STAG1: variants seen among roughly 807,000 people sequenced by gnomAD.
STAG1 encodes STAG1 cohesin complex component, also known as cohesin subunit SA-1.
A neutral mutation model predicts 170.9 loss-of-function variants in STAG1; 26 were observed. The observed-to-expected ratio is 0.15, with a 90% CI of 0.11 to 0.21. STAG1 has a LOEUF of 0.21. STAG1 is among the 10% of genes least tolerant of loss of function. STAG1 has a pLI of 1.00. For synonymous variants in STAG1, 514 were observed against 497.7 expected, an observed-to-expected ratio of 1.03 and a Z score of -0.44; for missense variants, 964 against 1,509.5, an observed-to-expected ratio of 0.64 and a Z score of 5.99.
chr3:136,366,834 A>T, intron 25 of STAG1, 109 bp downstream of exon 25: 1 of 823,786 alleles, frequency 1.2e-6, no homozygotes, highest in Non-Finnish European at 1.8e-6. Context: ...AAAATCATCC[A>T]CATTACATAG....
chr3:136,396,401 G>A (rs2087157548), intron 22 of STAG1, among the ~76,000 whole-genome samples: 1 of 145,976 alleles, frequency 6.9e-6, no homozygotes, highest in South Asian at 2.2e-4. Flanking sequence ...TGTATTTTTA[G>A]TATTGACAGG....
chr3:136,686,321 G>A (rs1374985811), intron 1 of STAG1, among the ~76,000 whole-genome samples: 1 of 152,054 alleles, frequency 6.6e-6, no homozygotes, highest in Admixed American at 6.6e-5. Flanking sequence ...GGCTTTAATT[G>A]TCTCTCAGTG....
chr3:136,443,963 C>T (rs889860268), intron 14 of STAG1, among the ~76,000 whole-genome samples: 5 of 152,132 alleles, frequency 3.3e-5, no homozygotes, highest in Non-Finnish European at 7.4e-5. Flanking sequence ...ATTCTCTTGA[C>T]AATTTTCTTT....
intron 28 of STAG1, among the ~76,000 whole-genome samples, chr3:136,357,120 T>C (rs903462095): frequency 2.6e-5 from 4 of 151,984 alleles, no homozygotes; most frequent in Admixed American, 6.6e-5. Flanking sequence ...GCTAATTTTT[T>C]TGTATTTTTA....
intron 1 of STAG1, among the ~76,000 whole-genome samples, chr3:136,733,984 G>A (rs1325870295): frequency 1.3e-5 from 2 of 151,748 alleles, no homozygotes; most frequent in Admixed American, 6.6e-5. Context: ...GCGGGCACCT[G>A]TAGTCCCAGC....
At chr3:136,704,050 GA>G (rs1461598264) in intron 1 of STAG1, among the ~76,000 whole-genome samples, 3 of 127,872 alleles carry the variant, frequency 2.3e-5, no homozygotes, top group Admixed American at 2.3e-4. Flanking sequence ...TGGCATAAAT[GA>G]TTTTTTTTTT....
At chr3:136,698,439 AG>A (rs1452766965) in intron 1 of STAG1, among the ~76,000 whole-genome samples, 2 of 152,152 alleles carry the variant, frequency 1.3e-5, no homozygotes, top group African/African-American at 4.8e-5. Context: ...AACCACAATG[AG>A]ATACCACCTT....
At chr3:136,729,043 C>G (rs116118065) in intron 1 of STAG1, among the ~76,000 whole-genome samples, 2 of 152,172 alleles carry the variant, frequency 1.3e-5, no homozygotes, top group Admixed American at 1.3e-4. Context: ...GTGAAAGGCA[C>G]GATCTTGGCT....
chr3:136,468,405 G>A (rs1007552500), intron 12 of STAG1, among the ~76,000 whole-genome samples: 17 of 152,068 alleles, frequency 1.1e-4, no homozygotes, highest in Middle Eastern at 3.4e-3. Context: ...TAGAAAATCT[G>A]GAAGAAATGG....
At chr3:136,429,332 G>A (rs1219360531) in intron 16 of STAG1, among the ~76,000 whole-genome samples, 1 of 151,844 alleles carries the variant, frequency 6.6e-6, no homozygotes, top group Non-Finnish European at 1.5e-5. Context: ...GCTTGAACCC[G>A]GGAGGTGGAG....
chr3:136,402,607 G>A (rs982217987), intron 21 of STAG1, among the ~76,000 whole-genome samples: 1 of 150,744 alleles, frequency 6.6e-6, no homozygotes, highest in Admixed American at 6.6e-5. Context: ...GAGGCGGGTG[G>A]ATCACCTGAG....
chr3:136,727,517 C>T (rs1319964350), intron 1 of STAG1, among the ~76,000 whole-genome samples: 4 of 152,168 alleles, frequency 2.6e-5, no homozygotes, highest in Non-Finnish European at 4.4e-5. Flanking sequence ...AAAATAATGC[C>T]TATAACAGAT....
chr3:136,397,766 T>C (rs2087207884), intron 22 of STAG1, among the ~76,000 whole-genome samples: 1 of 152,120 alleles, frequency 6.6e-6, no homozygotes, highest in Non-Finnish European at 1.5e-5. Context: ...GTGCTCTTTT[T>C]GGCTTTCTTG....
At position 136,484,903 on chromosome 3, in the gene STAG1, C is replaced by A. The variant is rs200675530; in HGVS notation, c.903-7491G>T. 5.3e-3 allele frequency among the ~76,000 whole-genome samples: 810 copies of A among 152,136 alleles called. 13 individuals are homozygous for A. The East Asian group carries it at 0.1, about 19-fold the overall frequency. ...GGGAACTCCCTGACCCTTGCGCTTC[C>A]CAGGTGAGGCAATGCCTCGCCCTGC... On this transcript the variant is annotated intron_variant, in intron 9 of 33. Coordinates refer to ENST00000383202, the MANE Select transcript of STAG1 (RefSeq NM_005862.3).
At chr3:136,462,940 T>C (rs112487694) in intron 13 of STAG1, among the ~76,000 whole-genome samples, 100 of 152,296 alleles carry the variant, frequency 6.6e-4, no homozygotes, top group African/African-American at 2.3e-3. Flanking sequence ...ACCAATCTCA[T>C]AAGTTTATTT....
chr3:136,410,865 T>C (rs1044054809), intron 21 of STAG1, among the ~76,000 whole-genome samples: 1 of 151,584 alleles, frequency 6.6e-6, no homozygotes, highest in Non-Finnish European at 1.5e-5. Flanking sequence ...TCCCAGCTAT[T>C]TGGGAGGCTG....
chr3:136,544,584 G>A (rs908965902), intron 5 of STAG1, among the ~76,000 whole-genome samples: 7 of 151,908 alleles, frequency 4.6e-5, no homozygotes, highest in African/African-American at 9.7e-5. Context: ...GCAACACGGC[G>A]AGACATCATC....
intron 6 of STAG1, among the ~76,000 whole-genome samples, chr3:136,537,276 G>C (rs1240339558): frequency 6.6e-6 from 1 of 152,022 alleles, no homozygotes; most frequent in African/African-American, 2.4e-5. Context: ...ATTAATTGCT[G>C]CTAATATTTA....
chr3:136,619,404 G>C (rs1238621004), intron 3 of STAG1, among the ~76,000 whole-genome samples: 1 of 151,152 alleles, frequency 6.6e-6, no homozygotes, highest in Non-Finnish European at 1.5e-5. Context: ...TGTATGTTAC[G>C]TTAGCGCAAG....
Sources: gnomAD v4.1 joint callset for allele counts (sites outside exome capture counted in the v4.1 genomes callset) on GRCh38, gnomAD v4.1.1 for gene constraint, MANE v1.5 for transcripts, NCBI Gene and HGNC (gene_info 2026-07-23, HGNC 2026-07-21) for gene names.